TBC1D32: variants seen among roughly 807,000 people sequenced by gnomAD.
TBC1D32 encodes TBC1 domain family member 32.
In TBC1D32, 151 loss-of-function variants were observed where a neutral mutation model predicts 170.3. The ratio of observed to expected loss-of-function variants is 0.89; its 90% CI spans 0.78 to 1.01. TBC1D32 has a LOEUF of 1.01. Ranked by LOEUF, TBC1D32 falls within the 50% of genes least tolerant of loss-of-function variation. TBC1D32 has a pLI of 0.00. For synonymous variants in TBC1D32, 498 were observed against 488.0 expected (o/e 1.02, Z -0.27); for missense variants, 1,464 against 1,457.1 (o/e 1.00, Z -0.08).
At chr6:121,175,007 GCGTGA>G (rs1416117311) in intron 22 of TBC1D32, among the ~76,000 whole-genome samples, 1 of 134,210 alleles carries the variant, frequency 7.5e-6, no homozygotes, top group Non-Finnish European at 1.6e-5. Flanking sequence ...ACTCTAGCCT[GCGTGA>G]CAGACCTTGT....
chr6:121,111,938 T>C (rs1779245351), intron 29 of TBC1D32, among the ~76,000 whole-genome samples: 1 of 151,990 alleles, frequency 6.6e-6, no homozygotes, highest in Non-Finnish European at 1.5e-5. Flanking sequence ...CAGCAAGCAA[T>C]AAACAAATAA....
intron 22 of TBC1D32, among the ~76,000 whole-genome samples, chr6:121,204,139 T>A (rs909261613): frequency 6.6e-6 from 1 of 151,266 alleles, no homozygotes; most frequent in Non-Finnish European, 1.5e-5. Flanking sequence ...AAACTTGCTA[T>A]CTGATGTATC....
intron 12 of TBC1D32, among the ~76,000 whole-genome samples, chr6:121,288,514 C>A (rs1367292326): frequency 6.6e-6 from 1 of 151,914 alleles, no homozygotes; most frequent in Non-Finnish European, 1.5e-5. Context: ...ATAATTAATA[C>A]CTTGCCAACC....
intron 22 of TBC1D32, among the ~76,000 whole-genome samples, chr6:121,196,922 A>C (rs1790810654): frequency 6.6e-6 from 1 of 152,208 alleles, no homozygotes; most frequent in Admixed American, 6.5e-5. Context: ...GTGATCCATT[A>C]GCAAAATGTT....
At chr6:121,242,080 G>T in intron 18 of TBC1D32, 121 bp downstream of exon 18, 2 of 989,842 alleles carry the variant, frequency 2.0e-6, no homozygotes, top group Non-Finnish European at 2.9e-6. Flanking sequence ...CTATTACAAT[G>T]CTATATGGTC....
chr6:121,285,354 C>T (rs1324342295), intron 12 of TBC1D32, among the ~76,000 whole-genome samples: 1 of 152,146 alleles, frequency 6.6e-6, no homozygotes, highest in African/African-American at 2.4e-5. Flanking sequence ...TTGAGTCATA[C>T]AGAATACATT....
At chr6:121,254,770 CAGAA>C (rs1468346230) in intron 17 of TBC1D32, among the ~76,000 whole-genome samples, 4 of 151,922 alleles carry the variant, frequency 2.6e-5, no homozygotes, top group Non-Finnish European at 5.9e-5. Context: ...GAACAGAACC[CAGAA>C]AAACATGTTG....
chr6:121,201,757 A>G (rs1791596140), intron 22 of TBC1D32, among the ~76,000 whole-genome samples: 2 of 151,140 alleles, frequency 1.3e-5, no homozygotes, highest in African/African-American at 4.9e-5. Context: ...CTGTCTGTAT[A>G]TGTACAGAAA....
intron 22 of TBC1D32, among the ~76,000 whole-genome samples, chr6:121,187,752 G>GT (rs1439483783): frequency 8.9e-5 from 2 of 22,470 alleles, no homozygotes; most frequent in African/African-American, 8.2e-5. Context: ...GATGCTCAGG[G>GT]CCAAAAAAAA....
rs547424773 is a variant in TBC1D32, at chr6:121,136,547, T to A, written c.2774-4795A>T. On this transcript the variant is annotated intron_variant, in intron 24 of 31. Coordinates refer to ENST00000398212, the MANE Select transcript of TBC1D32 (RefSeq NM_152730.6). ...CACAATGCACAGGAAAATCCCCCCC[T>A]GGCAAAGAAAAGCAAATTACCCAAA... Among the ~76,000 whole-genome samples the A allele has an allele frequency of 1.1e-4, 17 of 152,156 alleles. No individual in the cohort carries two copies. In the East Asian group the frequency reaches 3.3e-3, roughly 29 times the overall value.
In TBC1D32 at chr6:121,281,624, A is replaced by T; in HGVS notation, c.1528T>A (p.Cys510Ser). The part of the protein sequence containing the change: ...VLWILSDQKE[C>S]AVECLYNNIV... Reference sequence around the variant, plus strand: ...TTGTTATATAAGCATTCCACTGCACATTCTTTTTGATCACTGAGTATCCAC... The same window carrying T: ...TTGTTATATAAGCATTCCACTGCACTTTCTTTTTGATCACTGAGTATCCAC... The change falls in exon 14 of 32, where the codon TGT becomes AGT. Residue 510 changes from cysteine to serine, a missense_variant. This residue lies in a region of TBC1D32 where 1,363 missense variants were observed against 1,338.1 expected (regional missense o/e 1.02). Coordinates refer to ENST00000398212, the MANE Select transcript of TBC1D32 (RefSeq NM_152730.6). 1 of 1,607,452 alleles carries T rather than the reference A, an allele frequency of 6.2e-7. No individual in the cohort carries two copies.
rs1202959285 is a variant in TBC1D32 at position 121,304,621 on chromosome 6, C to T, written c.774G>A (p.Lys258=). 7 of 1,595,354 alleles carry T rather than the reference C, an allele frequency of 4.4e-6. No homozygotes were observed. The highest frequency in any genetic ancestry group is 6.0e-6 in the Non-Finnish European group (7 of 1,172,204). Residue 258 remains lysine, a synonymous_variant, in exon 7 of 32, where the codon AAG becomes AAA. Transcript: ENST00000398212. The part of the protein sequence containing the change: ...MTKEIYTSLA[K]YLESYFLSRE... ...TAGAAAGAAAGTATGACTCCAAATA[C>T]TTAGCTGAAAAAAAAGGGAAAACAT...
chr6:121,248,958 G>A (rs913774600), intron 17 of TBC1D32, among the ~76,000 whole-genome samples: 14 of 151,852 alleles, frequency 9.2e-5, no homozygotes, highest in Non-Finnish European at 4.4e-5. Context: ...TATGAAGTCA[G>A]TATCACCCTA....
intron 30 of TBC1D32, among the ~76,000 whole-genome samples, chr6:121,096,634 T>C (rs1052323425): frequency 1.2e-4 from 19 of 152,098 alleles, no homozygotes; most frequent in African/African-American, 4.1e-4. Flanking sequence ...AAGTAATTTA[T>C]AGATTCAATG....
intron 30 of TBC1D32, 80 bp downstream of exon 30, chr6:121,105,943 C>T: frequency 7.4e-7 from 1 of 1,348,750 alleles, no homozygotes; most frequent in East Asian, 2.5e-5. Context: ...AAAGGTATTT[C>T]CTTATTTGAT....
At chr6:121,233,295 T>C (rs889137613) in intron 20 of TBC1D32, among the ~76,000 whole-genome samples, 3 of 152,182 alleles carry the variant, frequency 2.0e-5, no homozygotes, top group African/African-American at 7.2e-5. Context: ...TGTCTAGTGT[T>C]GTCAATGGAG....
intron 29 of TBC1D32, among the ~76,000 whole-genome samples, chr6:121,108,532 A>T (rs1383872766): frequency 6.6e-6 from 1 of 152,106 alleles, no homozygotes; most frequent in South Asian, 2.1e-4. Flanking sequence ...AGTGCAAAAA[A>T]ATTGTCAATA....
intron 2 of TBC1D32, among the ~76,000 whole-genome samples, chr6:121,318,481 G>A (rs1417897838): frequency 1.3e-5 from 2 of 151,976 alleles, no homozygotes; most frequent in African/African-American, 2.4e-5. Context: ...TGAGGCATAT[G>A]TGACCTGAAC....
rs1186740849 is a variant in TBC1D32, at chr6:121,294,639, A to G, written c.1162T>C (p.Cys388Arg). 1 of 1,612,398 alleles carries G rather than the reference A, an allele frequency of 6.2e-7. No homozygotes were observed. Among genetic ancestry groups the G allele is most frequent in the Admixed American group, 1.7e-5 (1 of 59,822 alleles). The change falls in exon 11 of 32, where the codon TGT becomes CGT. Residue 388 changes from cysteine (C) to arginine (R), a missense_variant. Physicochemically the swap from Cys to Arg is radical, Grantham distance 180. Transcript: ENST00000398212. The part of the protein sequence containing the change: ...KSLVTTAIQQ[C>R]VQYFEMCKTR... ...TTACACATTTCAAAGTACTGAACAC[A>G]CTGTTGAATGGCTGTAGTTACCTGA...
Sources: gnomAD v4.1 joint callset for allele counts (sites outside exome capture counted in the v4.1 genomes callset) on GRCh38, gnomAD v4.1.1 for gene constraint, gnomAD v4.1.1 regional missense constraint, MANE v1.5 for transcripts, NCBI Gene and HGNC (gene_info 2026-07-23, HGNC 2026-07-21) for gene names.